The following DTWD1 variants were observed in gnomAD, a reference collection of about 807,000 sequenced individuals.
DTWD1 encodes DTW motif tRNA-uridine aminocarboxypropyltransferase 1.
A neutral mutation model predicts 30.2 loss-of-function variants in DTWD1; 27 were observed. The observed-to-expected ratio is 0.90, with a 90% confidence interval of 0.66 to 1.23. DTWD1 has a LOEUF of 1.23. Ranked by LOEUF, DTWD1 falls within the 50% of genes most tolerant of loss-of-function variation. DTWD1 has a pLI of 0.00. For missense variants in DTWD1, 342 were observed against 348.8 expected (o/e 0.98, Z 0.15); for synonymous variants, 99 against 113.1 (o/e 0.88, Z 0.79).
chr15:49,638,402 A>T (rs1351847329), intron 4 of DTWD1, among the ~76,000 whole-genome samples: 1 of 152,204 alleles, frequency 6.6e-6, no homozygotes, highest in East Asian at 1.9e-4. Context: ...TCTCTTTAAA[A>T]TCATAAAAGG....
Position 49,653,661 on chromosome 15 carries a change from G to A in DTWD1, c.*10083G>A, listed in dbSNP as rs2079164847. The A allele has an allele frequency of 1.3e-5, 2 of 152,082 alleles. No individual in the cohort carries two copies. Among genetic ancestry groups the A allele is most frequent in the African/African-American group, 4.8e-5 (2 of 41,418 alleles). The allele number at this position is 152,082 out of a possible 1,614,324, so 9.4% of individuals were successfully genotyped here. On this transcript the variant is annotated 3_prime_UTR_variant, in exon 5 of 5. Coordinates refer to ENST00000403028, the MANE Select transcript of DTWD1 (RefSeq NM_001144955.2). ...TGACAGAATGCTTAGCAATAATTTT[G>A]CTTGTCTTAATGTGGAACAGAAAAT...
At chr15:49,623,915 A>G (rs1409459024) in intron 1 of DTWD1, 1 of 152,182 alleles carries the variant, frequency 6.6e-6, no homozygotes, top group Admixed American at 6.5e-5. Context: ...ATCTGTGCGT[A>G]ATCAGTACAC....
intron 4 of DTWD1, among the ~76,000 whole-genome samples, chr15:49,641,630 G>A (rs1335467078): frequency 1.3e-5 from 2 of 151,982 alleles, no homozygotes; most frequent in Non-Finnish European, 2.9e-5. Flanking sequence ...GTTGGCGTAT[G>A]TTCAGTTTTC....
chr15:49,651,943 G>C lies in DTWD1; in HGVS notation c.*8365G>C, dbSNP rs1038151960. 2.0e-5 allele frequency: 3 copies of C among 152,054 alleles called. No homozygotes were observed. The highest frequency in any genetic ancestry group is 2.0e-4 in the Admixed American group (3 of 15,276). The allele number at this position is 152,054 out of a possible 1,614,324, so 9.4% of individuals were successfully genotyped here. A position where few individuals can be genotyped will look rare whatever the true frequency, so the allele number is the denominator to read the frequency against. ...CTGCTGAAGGTACAGCTGAACACCA[G>C]CTCATAGGCAAATTCTACAAGGATA... is the stretch of plus-strand genomic sequence containing the variant. On this transcript the variant is annotated 3_prime_UTR_variant, in exon 5 of 5. Coordinates refer to ENST00000403028, the MANE Select transcript of DTWD1 (RefSeq NM_001144955.2).
chr15:49,625,779 A>G (rs888784022), intron 2 of DTWD1, among the ~76,000 whole-genome samples: 2 of 152,162 alleles, frequency 1.3e-5, no homozygotes, highest in African/African-American at 4.8e-5. Context: ...TTTTCCAAAT[A>G]GGGTAAATGC....
chr15:49,652,270 G>A lies in DTWD1; in HGVS notation c.*8692G>A, dbSNP rs1451921186. On this transcript the variant is annotated 3_prime_UTR_variant, in exon 5 of 5. Coordinates refer to ENST00000403028, the MANE Select transcript of DTWD1 (RefSeq NM_001144955.2). ...AAACATAAGCTGCAGCAGCTACCTG[G>A]ATACTTTCGGTTCCTTGTGTCTGTC... is the stretch of plus-strand genomic sequence containing the variant. 2 of 152,084 alleles carry A rather than the reference G, an allele frequency of 1.3e-5. No individual in the cohort carries two copies. The highest frequency in any genetic ancestry group is 1.3e-4 in the Admixed American group (2 of 15,260). 9.4% of individuals were successfully genotyped at this position (152,084 alleles called of 1,614,324 possible). A position where few individuals can be genotyped will look rare whatever the true frequency, so the allele number is the denominator to read the frequency against.
chr15:49,628,322 G>A (rs34345413), intron 2 of DTWD1, among the ~76,000 whole-genome samples: 1 of 152,100 alleles, frequency 6.6e-6, no homozygotes, highest in Non-Finnish European at 1.5e-5. Flanking sequence ...TTTCTAATTA[G>A]GATGAGTGTA....
Position 49,643,626 on chromosome 15 carries a change from C to T in DTWD1, c.*48C>T. ...TTTTTATTTTGCTAACATTAATAAACTTATATTTGTGCTTTGTTTTTTCTT... is the reference window on the plus strand; with the variant it reads ...TTTTTATTTTGCTAACATTAATAAATTTATATTTGTGCTTTGTTTTTTCTT... On this transcript the variant is annotated 3_prime_UTR_variant, in exon 5 of 5. Coordinates refer to ENST00000403028, the MANE Select transcript of DTWD1 (RefSeq NM_001144955.2). The T allele has an allele frequency of 2.0e-6, 3 of 1,510,376 alleles. No homozygotes were observed. Among genetic ancestry groups the T allele is most frequent in the Non-Finnish European group, 2.7e-6 (3 of 1,126,394 alleles). 93.6% of individuals were successfully genotyped at this position (1,510,376 alleles called of 1,614,324 possible). A position where few individuals can be genotyped will look rare whatever the true frequency, so the allele number is the denominator to read the frequency against.
At chr15:49,630,304 TTAAA>T (rs2078902558) in intron 2 of DTWD1, among the ~76,000 whole-genome samples, 1 of 152,164 alleles carries the variant, frequency 6.6e-6, no homozygotes, top group African/African-American at 2.4e-5. Flanking sequence ...ATTGTACACT[TTAAA>T]TATGTACAGT....
rs1307806699 is a variant in DTWD1 at position 49,632,252 on chromosome 15, A to G, written c.358A>G (p.Asn120Asp). The change falls in exon 3 of 5, where the codon AAC (asparagine) becomes GAC (aspartate). Residue 120 changes from asparagine to aspartate, a missense_variant. Asn to Asp is a conservative substitution (Grantham distance 23). Transcript: ENST00000403028. ...HAKLLAPEFV[N>D]IYTYPCIPEY... is the part of the protein sequence containing the mutation. Reference sequence around the variant, plus strand: ...AAAACTCTTAGCACCTGAATTTGTAAACATTTACACGTATCCGTGTATTCC... The same window carrying G: ...AAAACTCTTAGCACCTGAATTTGTAGACATTTACACGTATCCGTGTATTCC... 6.3e-7 allele frequency: 1 copy of G among 1,599,156 alleles called. No individual in the cohort carries two copies.
rs2079134768 is a variant in DTWD1 at position 49,648,583 on chromosome 15, G to C, written c.*5005G>C. On this transcript the variant is annotated 3_prime_UTR_variant, in exon 5 of 5. Coordinates refer to ENST00000403028, the MANE Select transcript of DTWD1 (RefSeq NM_001144955.2). ...CCAAAGTGCTGGGATTAACAGGCCT[G>C]AGCCACAACACCCAGCCTAAATTAT... The C allele has an allele frequency of 6.6e-6, 1 of 152,136 alleles. No individual in the cohort carries two copies. Among genetic ancestry groups the C allele is most frequent in the South Asian group, 2.1e-4 (1 of 4,836 alleles). 9.4% of individuals were successfully genotyped at this position (152,136 alleles called of 1,614,324 possible). A position where few individuals can be genotyped will look rare whatever the true frequency, so the allele number is the denominator to read the frequency against.
chr15:49,643,242 A>G, intron 4 of DTWD1, 89 bp from the exon 5 acceptor site: 1 of 1,340,114 alleles, frequency 7.5e-7, no homozygotes, highest in Non-Finnish European at 9.8e-7. Flanking sequence ...ATTAAGAGAA[A>G]TCATTATTAT....
intron 4 of DTWD1, among the ~76,000 whole-genome samples, chr15:49,641,858 T>C (rs1414375176): frequency 6.6e-6 from 1 of 152,144 alleles, no homozygotes. Context: ...TTTTAAAATC[T>C]TCTCTTTATC....
At position 49,633,062 on chromosome 15, in the gene DTWD1, T is replaced by G. The variant is rs189285434; in HGVS notation, c.408+760T>G. Among the ~76,000 whole-genome samples, 835 of 146,502 alleles carry G rather than the reference T, an allele frequency of 5.7e-3. 10 individuals carry two copies. The highest frequency in any genetic ancestry group is 0.02 in the African/African-American group (803 of 40,696). On this transcript the variant is annotated intron_variant, in intron 3 of 4. Coordinates refer to ENST00000403028, the MANE Select transcript of DTWD1 (RefSeq NM_001144955.2). Reference sequence around the variant, plus strand: ...TTATATCTATATCTATATATATATATATATATATGTATTTTTTTGGTTGAG... The same window carrying G: ...TTATATCTATATCTATATATATATAGATATATATGTATTTTTTTGGTTGAG...
At position 49,653,167 on chromosome 15, in the gene DTWD1, A is replaced by G. The variant is rs1465537673; in HGVS notation, c.*9589A>G. The stretch of plus-strand genomic sequence containing the variant: ...TGGTAAAAAGGACTTTGCCTCTGTC[A>G]TTAAGTTAAGCACTTTGAAATGTAG... On this transcript the variant is annotated 3_prime_UTR_variant, in exon 5 of 5. Transcript: ENST00000403028. 1.3e-5 allele frequency: 2 copies of G among 152,200 alleles called. No individual in the cohort carries two copies. Among genetic ancestry groups the G allele is most frequent in the African/African-American group, 4.8e-5 (2 of 41,466 alleles). The allele number at this position is 152,200 out of a possible 1,614,324, so 9.4% of individuals were successfully genotyped here.
rs1450681042 is a variant in DTWD1, at chr15:49,643,517, A to G, written c.854A>G (p.Tyr285Cys). 2.5e-6 allele frequency: 4 copies of G among 1,607,694 alleles called. No individual in the cohort carries two copies. Among genetic ancestry groups the G allele is most frequent in the East Asian group, 4.5e-5 (2 of 44,632 alleles). ...DNLLFFYSFM[Y>C]QLIKNAKCSG... Reference sequence around the variant, plus strand: ...CTTTTATTTTTCTATTCTTTTATGTACCAGTTGATAAAGAATGCCAAATGC... The same window carrying G: ...CTTTTATTTTTCTATTCTTTTATGTGCCAGTTGATAAAGAATGCCAAATGC... Residue 285 changes from tyrosine (Y) to cysteine (C), a missense_variant, in exon 5 of 5, where the codon TAC becomes TGC. Transcript: ENST00000403028.
chr15:49,647,592 CT>C lies in DTWD1; in HGVS notation c.*4019del, dbSNP rs1297967544. On this transcript the variant is annotated 3_prime_UTR_variant, in exon 5 of 5. Coordinates refer to ENST00000403028, the MANE Select transcript of DTWD1 (RefSeq NM_001144955.2). ...TTACTGGAAGCATTAATTATAGCAA[CT>C]TTTTATCTCCAAATACTGACAATTA... The C allele has an allele frequency of 6.6e-6, 1 of 152,070 alleles. No individual in the cohort carries two copies. Among genetic ancestry groups the C allele is most frequent in the East Asian group, 1.9e-4 (1 of 5,184 alleles). The allele number at this position is 152,070 out of a possible 1,614,324, so 9.4% of individuals were successfully genotyped here.
rs2079161047 is a variant in DTWD1, at chr15:49,652,958, T to G, written c.*9380T>G. 1 of 152,118 alleles carries G rather than the reference T, an allele frequency of 6.6e-6. No individual in the cohort carries two copies. Among genetic ancestry groups the G allele is most frequent in the Non-Finnish European group, 1.5e-5 (1 of 68,004 alleles). The allele number at this position is 152,118 out of a possible 1,614,324, so 9.4% of individuals were successfully genotyped here. A position where few individuals can be genotyped will look rare whatever the true frequency, so the allele number is the denominator to read the frequency against. On this transcript the variant is annotated 3_prime_UTR_variant, in exon 5 of 5. Coordinates refer to ENST00000403028, the MANE Select transcript of DTWD1 (RefSeq NM_001144955.2). ...TGACTGAAGTCCAGCTGAATGTAGC[T>G]GCCAAAGTTACCTTAATGCCCATGG...
chr15:49,628,779 G>A (rs975305995), intron 2 of DTWD1, among the ~76,000 whole-genome samples: 1 of 151,808 alleles, frequency 6.6e-6, no homozygotes, highest in Non-Finnish European at 1.5e-5. Context: ...ACACAGTTAA[G>A]CTTTAATGTC....
Sources: gnomAD v4.1 joint callset for allele counts (sites outside exome capture counted in the v4.1 genomes callset) on GRCh38, gnomAD v4.1.1 for gene constraint, MANE v1.5 for transcripts, NCBI Gene and HGNC (gene_info 2026-07-23, HGNC 2026-07-21) for gene names.